TSC1: variants seen among roughly 807,000 people sequenced by gnomAD.
TSC1 encodes TSC complex subunit 1, also known as hamartin.
Under a neutral mutation model 124.3 loss-of-function variants are expected in TSC1, and 20 were observed. That is an observed-to-expected ratio of 0.16 (90% CI 0.11 to 0.23). The LOEUF (loss-of-function observed/expected upper bound fraction) is 0.23, where lower values mean the gene tolerates loss of function less well. Among genes scored for constraint, TSC1 ranks in the 10% least tolerant of loss-of-function variants. The probability of loss-of-function intolerance (pLI) is 1.00; values close to 1 mark genes in which losing one functional copy is unlikely to be tolerated. For missense variants in TSC1, 1,124 were observed against 1,448.5 expected, an observed-to-expected ratio of 0.78 and a Z score of 3.64; for synonymous variants, 493 against 539.1, an observed-to-expected ratio of 0.91 and a Z score of 1.19.
At chr9:132,917,579 C>T (rs947078843) in intron 8 of TSC1, among the ~76,000 whole-genome samples, 5 of 152,194 alleles carry the variant, frequency 3.3e-5, no homozygotes, top group African/African-American at 1.2e-4. Context: ...AGATCCTCCC[C>T]CGTCCGCCTC....
In TSC1 at chr9:132,924,325, G is replaced by A. The variant is rs551204824; in HGVS notation, c.364-833C>T. Among the ~76,000 whole-genome samples, 5 of 152,288 alleles carry A rather than the reference G, an allele frequency of 3.3e-5. No individual in the cohort carries two copies. The East Asian group carries it at 7.7e-4, about 24-fold the overall frequency. On this transcript the variant is annotated intron_variant, in intron 5 of 22. Coordinates refer to ENST00000298552, the MANE Select transcript of TSC1 (RefSeq NM_000368.5). ...TATTCCTATTAGAATAGGAATCTAT[G>A]AGTCTGGGAATAAAGTTTTAAATAT...
In TSC1 at chr9:132,904,418, G is replaced by A. The variant is rs201392975; in HGVS notation, c.2034C>T (p.His678=). The A allele has an allele frequency of 9.3e-6, 15 of 1,614,068 alleles. No homozygotes were observed. In the East Asian group the frequency reaches 3.3e-4, roughly 36 times the overall value. Residue 678 remains histidine, a synonymous_variant, in exon 16 of 23, where the codon CAC becomes CAT. Coordinates refer to ENST00000298552, the MANE Select transcript of TSC1 (RefSeq NM_000368.5). ...PLPSKSVDWT[H]FGGSPPSDEI... ...CTAAAGTAACAACTTTACCTCCAAA[G>A]TGGGTCCAGTCGACAGACTTGCTGG... is the stretch of plus-strand genomic sequence containing the variant.
intron 19 of TSC1, among the ~76,000 whole-genome samples, chr9:132,901,355 G>T (rs1346086625): frequency 2.0e-5 from 3 of 152,214 alleles, no homozygotes; most frequent in Admixed American, 2.0e-4. Context: ...TGCATTGTAG[G>T]ATATTTGGCA....
rs118203720 is a variant in TSC1 at position 132,897,590 on chromosome 9, G to A, written c.2646C>T (p.Ala882=). The change falls in exon 21 of 23, where the codon GCC becomes GCT. Residue 882 remains alanine, a synonymous_variant. Coordinates refer to ENST00000298552, the MANE Select transcript of TSC1 (RefSeq NM_000368.5). The part of the protein sequence containing the change: ...DTTKEVEMMK[A]AYRKELEKNR... ...TTTTTTCTAGCTCTTTCCGATAGGC[G>A]GCTTTCATCATTTCTACTTCCTGAA... The A allele has an allele frequency of 4.5e-3, 6,963 of 1,541,130 alleles. 27 individuals carry two copies. Among genetic ancestry groups the A allele is most frequent in the Non-Finnish European group, 5.6e-3 (6,355 of 1,142,388 alleles).
At chr9:132,925,315 C>T (rs915957554) in intron 5 of TSC1, among the ~76,000 whole-genome samples, 9 of 152,120 alleles carry the variant, frequency 5.9e-5, no homozygotes, top group Admixed American at 1.3e-4. Flanking sequence ...TAAACGATGA[C>T]GAAATCAAGA....
chr9:132,917,332 C>T (rs1846315450), intron 8 of TSC1, among the ~76,000 whole-genome samples: 1 of 151,768 alleles, frequency 6.6e-6, no homozygotes, highest in Admixed American at 6.6e-5. Context: ...CCAAAGTTTT[C>T]TTCTCTCTCT....
rs748669519 is a variant in TSC1, at chr9:132,925,619, G to A, written c.331C>T (p.Pro111Ser). ...CATTTTAGTAAAGAAGGCAAAAGAGGTGCTTGAGAGAGCTTATGCTTCCAA... is the reference window on the plus strand; with the variant it reads ...CATTTTAGTAAAGAAGGCAAAAGAGATGCTTGAGAGAGCTTATGCTTCCAA... Reference protein sequence around the residue: ...PSWKHKLSQAPLLPSLLKCLK... With the variant: ...PSWKHKLSQASLLPSLLKCLK... The change falls in exon 5 of 23, where the codon CCT becomes TCT. Residue 111 changes from proline to serine, a missense_variant. This residue lies in a region of TSC1 where 463 missense variants were observed against 606.8 expected (regional missense o/e 0.76). Coordinates refer to ENST00000298552, the MANE Select transcript of TSC1 (RefSeq NM_000368.5). The A allele has an allele frequency of 1.2e-5, 19 of 1,614,096 alleles. 1 individual carries two copies. Among genetic ancestry groups the A allele is most frequent in the Non-Finnish European group, 9.3e-6 (11 of 1,180,046 alleles).
rs547039958 is a variant in TSC1, at chr9:132,907,543, G to A, written c.1264-173C>T. On this transcript the variant is annotated intron_variant, in intron 12 of 22. Transcript: ENST00000298552. ...TCGCTCTTGTTGCCCAGGCTGGAGT[G>A]CAATGGCACAATCTCGGCTCACTGC... Among the ~76,000 whole-genome samples the A allele has an allele frequency of 1.5e-4, 23 of 149,900 alleles. 1 individual carries two copies. In the East Asian group the frequency reaches 4.3e-3, roughly 28 times the overall value.
At position 132,903,964 on chromosome 9, in the gene TSC1, CAACA is replaced by C; in HGVS notation, c.2042-151_2042-148del. On this transcript the variant is annotated intron_variant, in intron 16 of 22. Coordinates refer to ENST00000298552, the MANE Select transcript of TSC1 (RefSeq NM_000368.5). This position sits in a 1 kb window ranked among gnomAD's most constrained non-coding sequence, Gnocchi z 5.9. ...TTGCAAATGACCACTTGACTCCCAG[CAACA>C]GCAGGGGGGAAAGTATGGACTATGT... 1 of 924,906 alleles carries C rather than the reference CAACA, an allele frequency of 1.1e-6. No individual in the cohort carries two copies. Among genetic ancestry groups the C allele is most frequent in the Non-Finnish European group, 1.7e-6 (1 of 594,376 alleles). 57.3% of individuals were successfully genotyped at this position (924,906 alleles called of 1,614,324 possible).
In TSC1 at chr9:132,896,711, G is replaced by A. The variant is rs764738792; in HGVS notation, c.3019C>T (p.His1007Tyr). 7.4e-6 allele frequency: 12 copies of A among 1,613,770 alleles called. No homozygotes were observed. Among genetic ancestry groups the A allele is most frequent in the Non-Finnish European group, 1.0e-5 (12 of 1,180,030 alleles). Reference protein sequence around the residue: ...NDGCSDSMVGHNEEASGHNGE... With the variant: ...NDGCSDSMVGYNEEASGHNGE... The stretch of plus-strand genomic sequence containing the variant: ...TTGTGGCCAGATGCCTCTTCATTGT[G>A]CCCTACCATGGAATCTGAGCACCCG... Residue 1007 changes from histidine (H) to tyrosine (Y), a missense_variant, in exon 23 of 23, where the codon CAC becomes TAC. By Grantham distance (83) the His-to-Tyr change is moderately conservative. This residue lies in a region of TSC1 where 325 missense variants were observed against 383.4 expected (regional missense o/e 0.85). Transcript: ENST00000298552. The surrounding 1 kb of genome is among the most constrained non-coding windows in gnomAD (Gnocchi z 4.5).
chr9:132,904,270 T>C lies in TSC1; in HGVS notation c.2041+141A>G, dbSNP rs867653202. On this transcript the variant is annotated intron_variant, in intron 16 of 22. Coordinates refer to ENST00000298552, the MANE Select transcript of TSC1 (RefSeq NM_000368.5). ...GCTGACTTGGCAACACTTGAGATCC[T>C]TTAGCCAAGCAGATAGCCTGGCCGG... The C allele has an allele frequency of 2.1e-5, 20 of 939,042 alleles. 1 individual carries two copies. Among genetic ancestry groups the C allele is most frequent in the Middle Eastern group, 2.6e-4 (1 of 3,900 alleles). 58.2% of individuals were successfully genotyped at this position (939,042 alleles called of 1,614,324 possible). A position where few individuals can be genotyped will look rare whatever the true frequency, so the allele number is the denominator to read the frequency against.
chr9:132,930,826 G>C (rs1010976688), intron 2 of TSC1, among the ~76,000 whole-genome samples: 4 of 152,116 alleles, frequency 2.6e-5, no homozygotes, highest in African/African-American at 9.7e-5. Flanking sequence ...ATAGGAAGTT[G>C]CTGACTCATA....
upstream of TSC1, chr9:132,944,639 G>C (rs45522535): frequency 1.5e-5 from 6 of 398,804 alleles, no homozygotes; most frequent in Non-Finnish European, 1.3e-5. Flanking sequence ...GTCGTGAAAG[G>C]GCCAAGGCCG....
At chr9:132,900,654 C>T (rs1259511135) in intron 20 of TSC1, 61 bp downstream of exon 20, 13 of 1,610,504 alleles carry the variant, frequency 8.1e-6, no homozygotes, top group Non-Finnish European at 1.1e-5. Flanking sequence ...ATGCGGGAGA[C>T]ATACTGTCTG....
At position 132,903,543 on chromosome 9, in the gene TSC1, G is replaced by T; in HGVS notation, c.2208+108C>A. The T allele has an allele frequency of 6.6e-7, 1 of 1,524,076 alleles. No homozygotes were observed. The highest frequency in any genetic ancestry group is 9.1e-7 in the Non-Finnish European group (1 of 1,104,016). The allele number at this position is 1,524,076 out of a possible 1,614,324, so 94.4% of individuals were successfully genotyped here. On this transcript the variant is annotated intron_variant, in intron 17 of 22. Coordinates refer to ENST00000298552, the MANE Select transcript of TSC1 (RefSeq NM_000368.5). This position sits in a 1 kb window ranked among gnomAD's most constrained non-coding sequence, Gnocchi z 5.9. ...TCAAGCGACCTGCCCAAAGGAGTGG[G>T]AAGGACTGGGAACTCTGACCTCCTC...
chr9:132,905,534 A>C, intron 15 of TSC1, 47 bp downstream of exon 15: 1 of 1,611,738 alleles, frequency 6.2e-7, no homozygotes, highest in Non-Finnish European at 8.5e-7. Context: ...TGTACTTCAC[A>C]ATAAAATGGA....
At chr9:132,904,501 A>G (rs1845553390) in intron 15 of TSC1, 47 bp from the exon 16 acceptor site, 3 of 1,588,676 alleles carry the variant, frequency 1.9e-6, no homozygotes, top group Admixed American at 1.7e-5. Flanking sequence ...CTTACCAAGA[A>G]AAAAACGTAT....
chr9:132,897,038 C>T (rs1845107596), intron 22 of TSC1, 146 bp downstream of exon 22: 6 of 1,359,388 alleles, frequency 4.4e-6, no homozygotes, highest in Non-Finnish European at 6.2e-6. Context: ...AGGAAAGGAA[C>T]GTCAGAGTGG....
chr9:132,933,178 G>A (rs747379464), intron 2 of TSC1, among the ~76,000 whole-genome samples: 5 of 152,196 alleles, frequency 3.3e-5, no homozygotes, highest in Admixed American at 6.5e-5. Context: ...TGATTCTCCT[G>A]CCTCAGCCTC....
Sources: allele counts gnomAD v4.1 joint callset (sites outside exome capture counted in the v4.1 genomes callset), GRCh38; gene constraint gnomAD v4.1.1; regional missense constraint gnomAD v4.1.1; non-coding constraint Gnocchi (gnomAD v3.1); transcripts MANE v1.5; gene names NCBI Gene and HGNC (gene_info 2026-07-23, HGNC 2026-07-21).